Variants in TJP2 observed in about 807,000 individuals in gnomAD.
TJP2 encodes tight junction protein 2.
TJP2 carries 91 observed loss-of-function variants against 133.1 expected under a neutral mutation model. The ratio of observed to expected loss-of-function variants is 0.68; its 90% CI spans 0.58 to 0.81. The LOEUF is 0.81. Ranked by LOEUF, TJP2 falls within the 40% of genes least tolerant of loss-of-function variation. TJP2 has a pLI of 0.00. For missense variants in TJP2, 1,541 were observed against 1,565.6 expected, an observed-to-expected ratio of 0.98 and a Z score of 0.26; for synonymous variants, 592 against 583.4, an observed-to-expected ratio of 1.01 and a Z score of -0.21.
chr9:69,168,364 G>GA (rs1302341238), intron 2 of TJP2, among the ~76,000 whole-genome samples: 1 of 152,156 alleles, frequency 6.6e-6, no homozygotes, highest in Non-Finnish European at 1.5e-5. Context: ...GTGGGTGTCA[G>GA]AGGGCATATG....
chr9:69,152,335 T>C (rs1823514624), intron 2 of TJP2, among the ~76,000 whole-genome samples: 1 of 152,182 alleles, frequency 6.6e-6, no homozygotes, highest in Admixed American at 6.5e-5. Context: ...TTTTGACAGA[T>C]GTGGGATGCA....
At chr9:69,212,493 C>G in intron 1 of TJP2, 55 bp from the exon 2 acceptor site, 2 of 1,300,030 alleles carry the variant, frequency 1.5e-6, no homozygotes, top group East Asian at 4.6e-5. Flanking sequence ...AATTTTATTT[C>G]TAGCATTGAA....
chr9:69,145,735 AAGC>A, intron 1 of TJP2: 1 of 1,232,044 alleles, frequency 8.1e-7, no homozygotes. Context: ...GGTATTCTGG[AAGC>A]AGCAGTTGGT....
At chr9:69,187,358 C>T (rs935992515) in intron 1 of TJP2, among the ~76,000 whole-genome samples, 1 of 152,118 alleles carries the variant, frequency 6.6e-6, no homozygotes, top group Non-Finnish European at 1.5e-5. Flanking sequence ...TGTAACATAC[C>T]ACTCCAGACT....
upstream of TJP2, among the ~76,000 whole-genome samples, chr9:69,171,674 T>A (rs1824688184): frequency 6.6e-6 from 1 of 152,210 alleles, no homozygotes; most frequent in Non-Finnish European, 1.5e-5. Flanking sequence ...CTTACACAGT[T>A]TATCATTACT....
chr9:69,253,742 G>A, intron 22 of TJP2: 1 of 281,742 alleles, frequency 3.5e-6, no homozygotes, highest in South Asian at 3.9e-5. Context: ...ACTGTACCCA[G>A]CCTCTTGTGG....
intron 17 of TJP2, among the ~76,000 whole-genome samples, chr9:69,242,185 T>A (rs191954353): frequency 6.6e-6 from 1 of 152,248 alleles, no homozygotes; most frequent in Admixed American, 6.5e-5. Flanking sequence ...CTAACCTGAG[T>A]CCGCATCATT....
chr9:69,231,160 A>AGTGCAGT (rs1829750315), intron 11 of TJP2, among the ~76,000 whole-genome samples: 1 of 151,966 alleles, frequency 6.6e-6, no homozygotes, highest in Admixed American at 6.6e-5. Context: ...CCCAGGCTGG[A>AGTGCAGT]GTGCAGTGGT....
At chr9:69,191,381 T>C (rs1826192589) in intron 1 of TJP2, among the ~76,000 whole-genome samples, 1 of 152,238 alleles carries the variant, frequency 6.6e-6, no homozygotes, top group South Asian at 2.1e-4. Flanking sequence ...TGTACTGTTG[T>C]GTTTCTGAGT....
At chr9:69,130,527 G>C (rs1276988663) in intron 1 of TJP2, among the ~76,000 whole-genome samples, 4 of 152,116 alleles carry the variant, frequency 2.6e-5, no homozygotes, top group Non-Finnish European at 5.9e-5. Context: ...TCTCTAACGA[G>C]TGCCCACCCA....
chr9:69,202,502 C>A (rs1827067270), intron 1 of TJP2, among the ~76,000 whole-genome samples: 2 of 152,130 alleles, frequency 1.3e-5, no homozygotes, highest in Admixed American at 1.3e-4. Flanking sequence ...TTTTGACTCC[C>A]CCAAAACTTA....
chr9:69,200,622 G>C (rs1336460538), intron 1 of TJP2, among the ~76,000 whole-genome samples: 1 of 152,134 alleles, frequency 6.6e-6, no homozygotes, highest in East Asian at 1.9e-4. Flanking sequence ...TTGAACTCCT[G>C]GGCTCAACTG....
intron 1 of TJP2, among the ~76,000 whole-genome samples, chr9:69,199,034 T>A (rs569692285): frequency 3.8e-4 from 58 of 152,364 alleles, no homozygotes; most frequent in African/African-American, 1.4e-3. Flanking sequence ...GACAGCTGTT[T>A]CAAAGTTTTG....
chr9:69,175,561 A>T (rs749385218), intron 1 of TJP2, among the ~76,000 whole-genome samples: 63 of 152,240 alleles, frequency 4.1e-4, no homozygotes, highest in Non-Finnish European at 8.2e-4. Context: ...CCTGCTTGAG[A>T]GGATGAAATT....
At chr9:69,211,409 T>A (rs1363589919) in intron 1 of TJP2, among the ~76,000 whole-genome samples, 1 of 152,242 alleles carries the variant, frequency 6.6e-6, no homozygotes, top group Non-Finnish European at 1.5e-5. Context: ...CTGTGGCTGG[T>A]ATTTCAAATA....
At chr9:69,248,834 C>T (rs1235068657) in intron 19 of TJP2, 12 of 993,648 alleles carry the variant, frequency 1.2e-5, no homozygotes, top group Non-Finnish European at 1.4e-5. Flanking sequence ...TTATTAGTTG[C>T]ACCTCAGAGA....
chr9:69,231,443 A>G (rs1829775084), intron 11 of TJP2, among the ~76,000 whole-genome samples: 1 of 150,388 alleles, frequency 6.6e-6, no homozygotes. Context: ...GCAAACTTGC[A>G]GTTCATATAT....
intron 7 of TJP2, 71 bp downstream of exon 7, chr9:69,226,246 G>A: frequency 6.5e-7 from 1 of 1,549,222 alleles, no homozygotes; most frequent in East Asian, 2.3e-5. Flanking sequence ...CTTCTATTTA[G>A]TGTAGCTATC....
chr9:69,208,208 G>A (rs577540561), intron 1 of TJP2, among the ~76,000 whole-genome samples: 38 of 152,280 alleles, frequency 2.5e-4, no homozygotes, highest in Non-Finnish European at 4.6e-4. Context: ...TTTTGCTCTA[G>A]TTCCCTTCCT....
Sources: gnomAD v4.1 joint callset for allele counts (sites outside exome capture counted in the v4.1 genomes callset) on GRCh38, gnomAD v4.1.1 for gene constraint, MANE v1.5 for transcripts, NCBI Gene and HGNC (gene_info 2026-07-23, HGNC 2026-07-21) for gene names.